SORCS2: variants seen among roughly 807,000 people sequenced by gnomAD.
The protein encoded by SORCS2 is sortilin related VPS10 domain containing receptor 2.
Under a neutral mutation model 141.6 loss-of-function variants are expected in SORCS2, and 100 were observed. That is an observed-to-expected ratio of 0.71 (90% confidence interval 0.60 to 0.83). The LOEUF (loss-of-function observed/expected upper bound fraction) is 0.83, where lower values mean the gene tolerates loss of function less well. SORCS2 is among the 40% of genes least tolerant of loss of function. The pLI, the probability that SORCS2 is intolerant of heterozygous loss-of-function variation, is 0.00. For synonymous variants in SORCS2, 789 were observed against 676.9 expected (o/e 1.17, Z -2.57); for missense variants, 1,646 against 1,560.2 (o/e 1.05, Z -0.93).
intron 2 of SORCS2, among the ~76,000 whole-genome samples, chr4:7,488,381 G>A (rs190027876): frequency 6.6e-6 from 1 of 152,192 alleles, no homozygotes; most frequent in East Asian, 1.9e-4. Context: ...TGAGATCCTG[G>A]GGATCAGCCT....
At chr4:7,640,169 TG>T (rs1720596648) in intron 4 of SORCS2, among the ~76,000 whole-genome samples, 1 of 133,124 alleles carries the variant, frequency 7.5e-6, no homozygotes, top group East Asian at 2.3e-4. Flanking sequence ...TGGGCATGTG[TG>T]GGTGAGTGTG....
In SORCS2 at chr4:7,395,265, G is replaced by T. The variant is rs190228124; in HGVS notation, c.481-1023G>T. 5.1e-4 allele frequency among the ~76,000 whole-genome samples: 77 copies of T among 152,324 alleles called. 1 individual carries two copies. In the East Asian group the frequency reaches 0.011, roughly 22 times the overall value. On this transcript the variant is annotated intron_variant, in intron 1 of 26. Transcript: ENST00000507866. ...TGGAAACGGCACCTTAGGACCGAGC[G>T]CAGGGAGCTCTGCTTCCACGGAGGA...
At chr4:7,549,304 T>C (rs1306328774) in intron 3 of SORCS2, among the ~76,000 whole-genome samples, 1 of 152,116 alleles carries the variant, frequency 6.6e-6, no homozygotes, top group South Asian at 2.1e-4. Flanking sequence ...AGTCTATCGA[T>C]TTGAAGCTTG....
At chr4:7,320,265 T>A (rs1718817290) in intron 1 of SORCS2, among the ~76,000 whole-genome samples, 1 of 152,250 alleles carries the variant, frequency 6.6e-6, no homozygotes, top group African/African-American at 2.4e-5. Context: ...GAACACTACT[T>A]TTCATAAAAG....
chr4:7,321,472 C>T (rs1251923156), intron 1 of SORCS2, among the ~76,000 whole-genome samples: 3 of 152,230 alleles, frequency 2.0e-5, no homozygotes, highest in African/African-American at 4.8e-5. Context: ...CTGCTCTACA[C>T]CAACAATGCC....
chr4:7,549,031 C>T (rs999887465), intron 3 of SORCS2, among the ~76,000 whole-genome samples: 9 of 152,054 alleles, frequency 5.9e-5, no homozygotes, highest in Non-Finnish European at 1.0e-4. Flanking sequence ...GGGGTCCACC[C>T]ACCCACATGG....
At chr4:7,512,407 A>G (rs1577679416) in intron 2 of SORCS2, among the ~76,000 whole-genome samples, 1 of 121,994 alleles carries the variant, frequency 8.2e-6, no homozygotes, top group Non-Finnish European at 1.7e-5. Flanking sequence ...AAGGAAGGAA[A>G]GAAGGGAGGG....
At chr4:7,693,544 C>T (rs1329087273) in intron 11 of SORCS2, among the ~76,000 whole-genome samples, 1 of 152,244 alleles carries the variant, frequency 6.6e-6, no homozygotes, top group African/African-American at 2.4e-5. Context: ...GTCCTTTGCC[C>T]CATCCTGGTC....
In SORCS2 at chr4:7,734,881, G is replaced by A. The variant is rs113121335; in HGVS notation, c.3311+507G>A. 4.6e-4 allele frequency among the ~76,000 whole-genome samples: 70 copies of A among 152,334 alleles called. 1 individual carries two copies. The highest frequency in any genetic ancestry group is 1.6e-3 in the African/African-American group (68 of 41,584). On this transcript the variant is annotated intron_variant, in intron 25 of 26. Transcript: ENST00000507866. ...CCTGCCAGGCGCTCCCGTGGGGAGG[G>A]CTCTGGGTGTCCCCGTGAGGGAGCT...
chr4:7,458,512 G>T (rs1729069615), intron 2 of SORCS2, among the ~76,000 whole-genome samples: 1 of 152,204 alleles, frequency 6.6e-6, no homozygotes, highest in African/African-American at 2.4e-5. Context: ...TGACATTCAT[G>T]CTTCACTCCT....
chr4:7,613,926 T>C (rs749266002), intron 3 of SORCS2, among the ~76,000 whole-genome samples: 11 of 151,746 alleles, frequency 7.2e-5, no homozygotes, highest in Non-Finnish European at 1.5e-4. Flanking sequence ...CAAACATCCG[T>C]TCACTCATCC....
At chr4:7,243,017 T>C (rs185505556) in intron 1 of SORCS2, among the ~76,000 whole-genome samples, 40 of 151,984 alleles carry the variant, frequency 2.6e-4, no homozygotes, top group African/African-American at 9.4e-4. Context: ...TGGTCCTCCT[T>C]GAGTGCGTCA....
chr4:7,535,395 C>T (rs1712035871), intron 3 of SORCS2, among the ~76,000 whole-genome samples: 1 of 152,194 alleles, frequency 6.6e-6, no homozygotes, highest in Non-Finnish European at 1.5e-5. Context: ...GAGGCTGACC[C>T]CCTGGCTTCT....
intron 3 of SORCS2, among the ~76,000 whole-genome samples, chr4:7,587,749 C>T (rs1716635548): frequency 6.6e-6 from 1 of 152,186 alleles, no homozygotes. Context: ...TGTAAACTGG[C>T]CCGTCAGGGA....
At chr4:7,255,926 A>T (rs187810336) in intron 1 of SORCS2, among the ~76,000 whole-genome samples, 1 of 6,802 alleles carries the variant, frequency 1.5e-4, no homozygotes, top group African/African-American at 6.2e-4. Flanking sequence ...CCGGGGCTGG[A>T]GCGTGGGGAC....
At chr4:7,342,665 T>G (rs1720432087) in intron 1 of SORCS2, among the ~76,000 whole-genome samples, 1 of 152,102 alleles carries the variant, frequency 6.6e-6, no homozygotes, top group Non-Finnish European at 1.5e-5. Context: ...CTGCAAAGCT[T>G]CCAGCAGCCC....
intron 3 of SORCS2, among the ~76,000 whole-genome samples, chr4:7,629,131 G>A (rs1719708717): frequency 6.6e-6 from 1 of 152,072 alleles, no homozygotes. Context: ...CGACGGCTGT[G>A]TTGATTGGCT....
At chr4:7,622,252 A>T in intron 3 of SORCS2, among the ~76,000 whole-genome samples, 1 of 152,184 alleles carries the variant, frequency 6.6e-6, no homozygotes, top group East Asian at 1.9e-4. Flanking sequence ...AAGGGGCAGG[A>T]TCGAGGCCCC....
At chr4:7,604,828 C>T (rs768732762) in intron 3 of SORCS2, among the ~76,000 whole-genome samples, 4 of 152,192 alleles carry the variant, frequency 2.6e-5, no homozygotes, top group Non-Finnish European at 5.9e-5. Flanking sequence ...AAGGCCAGTT[C>T]ATCCTTACAA....
Sources: gnomAD v4.1 joint callset for allele counts (sites outside exome capture counted in the v4.1 genomes callset) on GRCh38, gnomAD v4.1.1 for gene constraint, MANE v1.5 for transcripts, NCBI Gene and HGNC (gene_info 2026-07-23, HGNC 2026-07-21) for gene names.